HDAC4: variants seen among roughly 807,000 people sequenced by gnomAD.
The protein encoded by HDAC4 is histone deacetylase 4.
Under a neutral mutation model 135.1 loss-of-function variants are expected in HDAC4, and 16 were observed. The ratio of observed to expected loss-of-function variants is 0.12; its 90% confidence interval spans 0.08 to 0.18. HDAC4 has a LOEUF of 0.18. Ranked by LOEUF, HDAC4 falls within the 10% of genes least tolerant of loss-of-function variation. HDAC4 has a pLI of 1.00. For synonymous variants in HDAC4, 685 were observed against 653.4 expected (o/e 1.05, Z -0.74); for missense variants, 1,143 against 1,511.8 (o/e 0.76, Z 4.05).
intron 3 of HDAC4, among the ~76,000 whole-genome samples, chr2:239,234,326 G>A (rs1454272579): frequency 1.3e-5 from 2 of 152,152 alleles, no homozygotes; most frequent in African/African-American, 2.4e-5. Context: ...AGGAGACACG[G>A]CACTCTCTCT....
chr2:239,115,017 T>C lies in HDAC4; in HGVS notation c.1791+36A>G, dbSNP rs1184886477. 1 of 1,604,358 alleles carries C rather than the reference T, an allele frequency of 6.2e-7. No individual in the cohort carries two copies. The highest frequency in any genetic ancestry group is 1.7e-5 in the Admixed American group (1 of 59,956). ...CCTGGGGACCGAGGGTGGCTGTGCG[T>C]GCCAGCCTTCTGGTGCCCTCCCCGC... On this transcript the variant is annotated intron_variant, in intron 13 of 26. Coordinates refer to ENST00000543185, the MANE Select transcript of HDAC4 (RefSeq NM_001378414.1). This position sits in a 1 kb window ranked among gnomAD's most constrained non-coding sequence, Gnocchi z 6.3.
At chr2:239,360,207 G>A (rs994197829) in intron 1 of HDAC4, among the ~76,000 whole-genome samples, 6 of 152,316 alleles carry the variant, frequency 3.9e-5, no homozygotes, top group African/African-American at 9.6e-5. Context: ...GACAGGCAGC[G>A]CCGCCAATGT....
At chr2:239,345,060 C>T (rs953092898) in intron 2 of HDAC4, among the ~76,000 whole-genome samples, 12 of 152,122 alleles carry the variant, frequency 7.9e-5, no homozygotes, top group African/African-American at 2.9e-4. Flanking sequence ...CCTACACACC[C>T]CCTCCTCCTG....
intron 2 of HDAC4, among the ~76,000 whole-genome samples, chr2:239,270,320 C>T (rs936051915): frequency 6.6e-6 from 1 of 152,190 alleles, no homozygotes; most frequent in Non-Finnish European, 1.5e-5. Flanking sequence ...CGAAAGAACT[C>T]GCTGTGGCCT....
intron 8 of HDAC4, among the ~76,000 whole-genome samples, chr2:239,140,448 C>A (rs1424507384): frequency 1.3e-5 from 2 of 152,188 alleles, no homozygotes; most frequent in Non-Finnish European, 2.9e-5. Flanking sequence ...GATCCCTTCA[C>A]CTCTGAAGGG....
In HDAC4 at chr2:239,309,561, A is replaced by G. The variant is rs77633899; in HGVS notation, c.22+43117T>C. Among the ~76,000 whole-genome samples the G allele has an allele frequency of 2.2e-3, 342 of 152,328 alleles. 9 individuals are homozygous for G. The East Asian group carries it at 0.048, about 21-fold the overall frequency. Reference sequence around the variant, plus strand: ...TACGATTTATCTCTGGCCTGCATTTACTTCTCCTGCACCTGGCGGGAGGCT... The same window carrying G: ...TACGATTTATCTCTGGCCTGCATTTGCTTCTCCTGCACCTGGCGGGAGGCT... On this transcript the variant is annotated intron_variant, in intron 2 of 26. Coordinates refer to ENST00000543185, the MANE Select transcript of HDAC4 (RefSeq NM_001378414.1). The surrounding 1 kb of genome is among the most constrained non-coding windows in gnomAD (Gnocchi z 4.2).
At chr2:239,104,371 G>C (rs996177862) in intron 15 of HDAC4, among the ~76,000 whole-genome samples, 1 of 152,150 alleles carries the variant, frequency 6.6e-6, no homozygotes, top group Non-Finnish European at 1.5e-5. Flanking sequence ...TGGGATTATA[G>C]GTGCCCACCA....
At chr2:239,098,859 G>A (rs749054083) in intron 16 of HDAC4, among the ~76,000 whole-genome samples, 1 of 152,174 alleles carries the variant, frequency 6.6e-6, no homozygotes, top group Admixed American at 6.5e-5. Flanking sequence ...TTCAAAAATC[G>A]ATCTTGAGTT....
chr2:239,214,674 T>C (rs2046529175), intron 3 of HDAC4, among the ~76,000 whole-genome samples: 1 of 152,228 alleles, frequency 6.6e-6, no homozygotes, highest in Non-Finnish European at 1.5e-5. Flanking sequence ...AGCACACGTG[T>C]TGATAGCTTT....
chr2:239,300,488 C>T (rs929699052), intron 2 of HDAC4, among the ~76,000 whole-genome samples: 10 of 152,300 alleles, frequency 6.6e-5, no homozygotes, highest in South Asian at 2.1e-4. Flanking sequence ...TTTCCGCCAT[C>T]GCAGAAAGTC....
At chr2:239,216,021 C>A (rs1043533856) in intron 3 of HDAC4, among the ~76,000 whole-genome samples, 1 of 152,130 alleles carries the variant, frequency 6.6e-6, no homozygotes, top group Non-Finnish European at 1.5e-5. Flanking sequence ...ACACATTAAA[C>A]CCTAATTTGT....
chr2:239,130,806 C>T (rs1007087763), intron 11 of HDAC4, among the ~76,000 whole-genome samples: 2 of 152,228 alleles, frequency 1.3e-5, no homozygotes, highest in Non-Finnish European at 2.9e-5. Flanking sequence ...GGGGCCCTGT[C>T]TCTCGGGTCC....
intron 3 of HDAC4, among the ~76,000 whole-genome samples, chr2:239,227,280 G>A (rs1575462825): frequency 2.0e-5 from 3 of 152,300 alleles, no homozygotes; most frequent in Non-Finnish European, 4.4e-5. Flanking sequence ...GAGGGAGATG[G>A]AACAGCACTG....
rs1028699401 is a variant in HDAC4 at position 239,313,805 on chromosome 2, T to G, written c.22+38873A>C. ...GTTGGCTGAAGAGTGAGGAATATAC[T>G]CCAAAGACAGGAATTCAAGGCAGGG... is the stretch of plus-strand genomic sequence containing the variant. On this transcript the variant is annotated intron_variant, in intron 2 of 26. Transcript: ENST00000543185. This position sits in a 1 kb window ranked among gnomAD's most constrained non-coding sequence, Gnocchi z 5.1. Among the ~76,000 whole-genome samples the G allele has an allele frequency of 6.6e-6, 1 of 151,970 alleles. No individual in the cohort carries two copies. Among genetic ancestry groups the G allele is most frequent in the Non-Finnish European group, 1.5e-5 (1 of 68,000 alleles).
intron 12 of HDAC4, among the ~76,000 whole-genome samples, chr2:239,124,553 C>T (rs1337167750): frequency 2.1e-5 from 3 of 141,390 alleles, no homozygotes; most frequent in South Asian, 2.3e-4. Context: ...CGTCATTCCA[C>T]GTTATATGAC....
At position 239,262,654 on chromosome 2, in the gene HDAC4, G is replaced by A. The variant is rs911601716; in HGVS notation, c.23-25990C>T. On this transcript the variant is annotated intron_variant, in intron 2 of 26. Coordinates refer to ENST00000543185, the MANE Select transcript of HDAC4 (RefSeq NM_001378414.1). The surrounding 1 kb of genome is among the most constrained non-coding windows in gnomAD (Gnocchi z 4.1). ...CAAGAGTGTGGGACCAACGAGACCT[G>A]GGCTAGTGCAGGGGTGGGCAGGCAC... Among the ~76,000 whole-genome samples, 7 of 152,184 alleles carry A rather than the reference G, an allele frequency of 4.6e-5. No individual in the cohort carries two copies. The highest frequency in any genetic ancestry group is 8.8e-5 in the Non-Finnish European group (6 of 68,030).
At position 239,181,855 on chromosome 2, in the gene HDAC4, C is replaced by T. The variant is rs538337952; in HGVS notation, c.340-5292G>A. 2.4e-4 allele frequency among the ~76,000 whole-genome samples: 37 copies of T among 152,336 alleles called. No individual in the cohort carries two copies. In the East Asian group the frequency reaches 3.9e-3, roughly 16 times the overall value. On this transcript the variant is annotated intron_variant, in intron 4 of 26. Transcript: ENST00000543185. The stretch of plus-strand genomic sequence containing the variant: ...AGAAGAGCTGGTCTGGGCTTGCCTC[C>T]GTGCGGCCTGATTGTCATCAAACCG...
intron 14 of HDAC4, 26 bp downstream of exon 14, chr2:239,111,500 C>T (rs774447593): frequency 6.2e-7 from 1 of 1,601,826 alleles, no homozygotes; most frequent in East Asian, 2.2e-5. Context: ...GTTGCACCCT[C>T]AGGCTGCACA....
At chr2:239,185,416 C>G (rs1417469265) in intron 4 of HDAC4, among the ~76,000 whole-genome samples, 1 of 150,596 alleles carries the variant, frequency 6.6e-6, no homozygotes, top group Non-Finnish European at 1.5e-5. Context: ...GAGGTGTACC[C>G]TAACTGCTGG....
Sources: gnomAD v4.1 joint callset for allele counts (sites outside exome capture counted in the v4.1 genomes callset) on GRCh38, gnomAD v4.1.1 for gene constraint, Gnocchi (gnomAD v3.1) non-coding constraint, MANE v1.5 for transcripts, NCBI Gene and HGNC (gene_info 2026-07-23, HGNC 2026-07-21) for gene names.